Variants in SHLD1 observed in about 807,000 individuals in gnomAD.
The protein encoded by SHLD1 is shieldin complex subunit 1.
SHLD1 carries 3 observed loss-of-function variants against 5.5 expected under a neutral mutation model. The observed-to-expected ratio is 0.54, with a 90% CI of 0.25 to 1.40. SHLD1 has a LOEUF of 1.40. Among genes scored for constraint, SHLD1 ranks in the 40% most tolerant of loss-of-function variants. The pLI is 0.15. For missense variants in SHLD1, 210 were observed against 244.4 expected (o/e 0.86, Z 0.94); for synonymous variants, 92 against 94.3 (o/e 0.98, Z 0.14).
intron 2 of SHLD1, among the ~76,000 whole-genome samples, chr20:5,796,523 G>A (rs549575964): frequency 3.3e-5 from 5 of 152,144 alleles, no homozygotes; most frequent in Admixed American, 6.6e-5. Flanking sequence ...TTTTCAGCGT[G>A]AGTTAGAAAG....
At chr20:5,816,080 C>CA (rs1427354237) in intron 2 of SHLD1, among the ~76,000 whole-genome samples, 2 of 13,910 alleles carry the variant, frequency 1.4e-4, no homozygotes, top group Non-Finnish European at 3.5e-4. Flanking sequence ...GACTCTGCCT[C>CA]AAAAAAACGA....
Position 5,772,940 on chromosome 20 carries a change from C to T in SHLD1, c.75C>T (p.Asp25=). 1 of 1,614,100 alleles carries T rather than the reference C, an allele frequency of 6.2e-7. No individual in the cohort carries two copies. The highest frequency in any genetic ancestry group is 1.3e-5 in the African/African-American group (1 of 75,026). The part of the protein sequence containing the change: ...SSALDLPSAC[D]IRDYVLQGPS... ...CTTTGGACCTGCCATCAGCGTGTGA[C>T]ATAAGAGATTACGTCCTGCAGGGAC... is the stretch of plus-strand genomic sequence containing the variant. The change falls in exon 2 of 3, where the codon GAC becomes GAT. Residue 25 remains aspartate (D), a synonymous_variant. Transcript: ENST00000303142.
intron 1 of SHLD1, among the ~76,000 whole-genome samples, chr20:5,768,087 G>A (rs964138589): frequency 1.3e-5 from 2 of 151,632 alleles, no homozygotes; most frequent in African/African-American, 4.9e-5. Context: ...CAATTCTTGG[G>A]CCTCAACCTC....
At chr20:5,771,968 A>G (rs13037955) in intron 1 of SHLD1, 234,786 of 430,918 alleles carry the variant, frequency 0.54, 65,044 homozygotes, top group African/African-American at 0.69. Context: ...TCCGCTTCGC[A>G]AGTTCAAGGG....
At chr20:5,767,147 CT>C (rs1256690438) in intron 1 of SHLD1, among the ~76,000 whole-genome samples, 1 of 134,292 alleles carries the variant, frequency 7.4e-6, no homozygotes, top group African/African-American at 2.7e-5. Flanking sequence ...CTTTTCTTTT[CT>C]TTTTGAGACA....
chr20:5,833,679 CAG>C (rs530553160), intron 2 of SHLD1, among the ~76,000 whole-genome samples: 2 of 149,212 alleles, frequency 1.3e-5, no homozygotes, highest in Non-Finnish European at 1.5e-5. Context: ...CAGGGAGAGA[CAG>C]AGAGAGAGAG....
intron 2 of SHLD1, among the ~76,000 whole-genome samples, chr20:5,787,923 T>C (rs2087082387): frequency 2.0e-5 from 3 of 152,214 alleles, no homozygotes; most frequent in East Asian, 1.9e-4. Flanking sequence ...TCAACTAGTC[T>C]CTCTCAAAAG....
Position 5,863,444 on chromosome 20 carries a change from A to T in SHLD1, c.599A>T (p.Asn200Ile), listed in dbSNP as rs200416270. The T allele has an allele frequency of 8.9e-5, 143 of 1,604,350 alleles. No homozygotes were observed. The highest frequency in any genetic ancestry group is 1.2e-4 in the Non-Finnish European group (141 of 1,175,484). The change falls in exon 3 of 3, where the codon AAT becomes ATT. Residue 200 changes from asparagine (N) to isoleucine (I), a missense_variant. Physicochemically the swap from Asn to Ile is moderately radical, Grantham distance 149. Transcript: ENST00000303142. ...ATTACTCATTTCCTCTTGCAGCAGA[A>T]TGTAATGAAAGACCTGTAACTGGTG... Reference protein sequence around the residue: ...KDITHFLLQQNVMKDL With the variant: ...KDITHFLLQQIVMKDL
At chr20:5,817,473 T>TGTGTGTGTGTGTGTG (rs2087551252) in intron 2 of SHLD1, among the ~76,000 whole-genome samples, 1 of 145,822 alleles carries the variant, frequency 6.9e-6, no homozygotes, top group African/African-American at 2.5e-5. Flanking sequence ...TGTGTGTGTG[T>TGTGTGTGTGTGTGTG]TGGGATTACA....
At position 5,787,412 on chromosome 20, in the gene SHLD1, G is replaced by A. The variant is rs539833955; in HGVS notation, c.178+14369G>A. Among the ~76,000 whole-genome samples the A allele has an allele frequency of 5.9e-5, 9 of 152,344 alleles. No homozygotes were observed. In the East Asian group the frequency reaches 1.7e-3, roughly 29 times the overall value. On this transcript the variant is annotated intron_variant, in intron 2 of 2. Coordinates refer to ENST00000303142, the MANE Select transcript of SHLD1 (RefSeq NM_152504.4). ...GTTGCTGTTTGTCTGCTGAGTGGCT[G>A]CCCTTGGCCAACCTTTTAGCTCCCT... is the stretch of plus-strand genomic sequence containing the variant.
chr20:5,840,123 T>TGTTCA (rs2087840403), intron 2 of SHLD1, among the ~76,000 whole-genome samples: 1 of 152,264 alleles, frequency 6.6e-6, no homozygotes, highest in Non-Finnish European at 1.5e-5. Flanking sequence ...TGAGCTTGCC[T>TGTTCA]GTTCACCATA....
At chr20:5,754,005 A>G (rs1568484511) in intron 1 of SHLD1, among the ~76,000 whole-genome samples, 1 of 152,178 alleles carries the variant, frequency 6.6e-6, no homozygotes, top group African/African-American at 2.4e-5. Context: ...GTATTACCGC[A>G]GACAAACGAC....
chr20:5,798,617 C>CTTT, intron 2 of SHLD1, among the ~76,000 whole-genome samples: 1 of 136,828 alleles, frequency 7.3e-6, no homozygotes, highest in African/African-American at 2.7e-5. Flanking sequence ...TTTTAGTTTT[C>CTTT]TTTTTTTTTT....
chr20:5,837,387 T>C (rs942909132), intron 2 of SHLD1, among the ~76,000 whole-genome samples: 2 of 152,220 alleles, frequency 1.3e-5, no homozygotes, highest in African/African-American at 4.8e-5. Context: ...GGTGGTTTGC[T>C]GCACACATCA....
At chr20:5,786,031 G>T (rs1014955588) in intron 2 of SHLD1, among the ~76,000 whole-genome samples, 14 of 152,114 alleles carry the variant, frequency 9.2e-5, no homozygotes, top group Admixed American at 9.2e-4. Context: ...GAGAGAAGGT[G>T]TTGGGGCTCA....
chr20:5,761,210 A>C (rs1984444890), intron 1 of SHLD1, among the ~76,000 whole-genome samples: 1 of 152,068 alleles, frequency 6.6e-6, no homozygotes. Flanking sequence ...GAACAGTGAG[A>C]ACACAGGGAC....
At chr20:5,786,171 C>T (rs1053542792) in intron 2 of SHLD1, among the ~76,000 whole-genome samples, 20 of 152,338 alleles carry the variant, frequency 1.3e-4, no homozygotes, top group African/African-American at 4.3e-4. Context: ...TAGAATCCCT[C>T]TTCCCCAAGG....
rs1256898805 is a variant in SHLD1, at chr20:5,864,167, A to C, written c.*704A>C. 6.6e-6 allele frequency among the ~76,000 whole-genome samples: 1 copy of C among 152,236 alleles called. No individual in the cohort carries two copies. The highest frequency in any genetic ancestry group is 2.4e-5 in the African/African-American group (1 of 41,468). On this transcript the variant is annotated 3_prime_UTR_variant, in exon 3 of 3. Coordinates refer to ENST00000303142, the MANE Select transcript of SHLD1 (RefSeq NM_152504.4). ...CAAAGCTAGAAATCCATGTTTTATCATACTAACTGGGTGTGGAAGGAACAT... is the reference window on the plus strand; with the variant it reads ...CAAAGCTAGAAATCCATGTTTTATCCTACTAACTGGGTGTGGAAGGAACAT...
At chr20:5,807,474 C>T (rs1016411063) in intron 2 of SHLD1, among the ~76,000 whole-genome samples, 1 of 151,988 alleles carries the variant, frequency 6.6e-6, no homozygotes, top group African/African-American at 2.4e-5. Context: ...GGGCTCAAGC[C>T]ATCCTCCTGC....
Sources: allele counts gnomAD v4.1 joint callset (sites outside exome capture counted in the v4.1 genomes callset), GRCh38; gene constraint gnomAD v4.1.1; transcripts MANE v1.5; gene names NCBI Gene and HGNC (gene_info 2026-07-23, HGNC 2026-07-21).